The following TMEM272 variants were observed in gnomAD, a reference collection of about 807,000 sequenced individuals.
TMEM272 encodes the protein transmembrane protein 272.
In TMEM272, 8 loss-of-function variants were observed where a neutral mutation model predicts 3.7. The observed-to-expected ratio is 2.17, with a 90% CI of 1.27 to 3.91. The LOEUF is 3.91. TMEM272 is among the 30% of genes most tolerant of loss of function. The probability of loss-of-function intolerance (pLI) is 0.00; values close to 1 mark genes in which losing one functional copy is unlikely to be tolerated. For synonymous variants in TMEM272, 63 were observed against 39.8 expected, an observed-to-expected ratio of 1.58 and a Z score of -2.20; for missense variants, 166 against 91.5, an observed-to-expected ratio of 1.81 and a Z score of -3.32.
chr13:51,900,714 T>C, the TMEM272 span, among the ~76,000 whole-genome samples: 1 of 152,196 alleles, frequency 6.6e-6, no homozygotes, highest in Non-Finnish European at 1.5e-5. Context: ...ACAACCCAAG[T>C]ATCCATCAAC....
intron 1 of TMEM272, among the ~76,000 whole-genome samples, chr13:51,843,844 A>G (rs1432828885): frequency 6.6e-6 from 1 of 152,240 alleles, no homozygotes; most frequent in Non-Finnish European, 1.5e-5. Flanking sequence ...GATGGGAATT[A>G]ATCAATAATA....
the TMEM272 span, among the ~76,000 whole-genome samples, chr13:51,857,334 T>A: frequency 6.6e-6 from 1 of 150,826 alleles, no homozygotes; most frequent in African/African-American, 2.4e-5. Flanking sequence ...ATTTTTTGAG[T>A]ACCTGAAAAA....
At chr13:51,889,618 G>GT in the TMEM272 span, among the ~76,000 whole-genome samples, 5 of 150,888 alleles carry the variant, frequency 3.3e-5, no homozygotes, top group South Asian at 2.1e-4. Context: ...AATCCGATTT[G>GT]TTTTTTTGTG....
chr13:51,907,654 C>G, the TMEM272 span, among the ~76,000 whole-genome samples: 7 of 152,202 alleles, frequency 4.6e-5, no homozygotes, highest in African/African-American at 1.7e-4. Context: ...TTTTCCATCA[C>G]TCCTATCTTC....
chr13:51,888,450 G>A, the TMEM272 span, among the ~76,000 whole-genome samples: 1 of 151,864 alleles, frequency 6.6e-6, no homozygotes, highest in East Asian at 1.9e-4. Flanking sequence ...CAGGCTACCC[G>A]TGTTAACAAC....
chr13:51,908,112 G>T, the TMEM272 span: 2 of 474,172 alleles, frequency 4.2e-6, no homozygotes, highest in Non-Finnish European at 8.0e-6. Flanking sequence ...TAATTCTATT[G>T]TTTCAATTTG....
At chr13:51,916,979 T>G in the TMEM272 span, among the ~76,000 whole-genome samples, 1 of 152,160 alleles carries the variant, frequency 6.6e-6, no homozygotes, top group African/African-American at 2.4e-5. Context: ...CGCTCACCAG[T>G]GTTTTCTCCA....
At chr13:51,855,255 T>A in the TMEM272 span, among the ~76,000 whole-genome samples, 3 of 152,170 alleles carry the variant, frequency 2.0e-5, no homozygotes, top group Non-Finnish European at 4.4e-5. Flanking sequence ...AAGAAGCATA[T>A]CTCACAAGAA....
At chr13:51,827,059 C>T (rs1474992977) in intron 2 of TMEM272, among the ~76,000 whole-genome samples, 1 of 152,222 alleles carries the variant, frequency 6.6e-6, no homozygotes, top group South Asian at 2.1e-4. Flanking sequence ...TGACAACTCA[C>T]TTTATCACTG....
the TMEM272 span, among the ~76,000 whole-genome samples, chr13:51,857,913 G>C: frequency 2.5e-3 from 385 of 152,148 alleles, 1 homozygote; most frequent in Middle Eastern, 6.8e-3. Flanking sequence ...GAAATAAAAG[G>C]ATAGAAAAGA....
the TMEM272 span, among the ~76,000 whole-genome samples, chr13:51,884,140 C>T: frequency 3.3e-5 from 5 of 152,136 alleles, no homozygotes; most frequent in Non-Finnish European, 7.3e-5. Flanking sequence ...GAATGATGCA[C>T]CCTCAGGCCA....
the TMEM272 span, among the ~76,000 whole-genome samples, chr13:51,867,810 G>T: frequency 6.6e-6 from 1 of 152,270 alleles, no homozygotes; most frequent in South Asian, 2.1e-4. Flanking sequence ...AGGGTGGAGA[G>T]AATTCGATTT....
chr13:51,906,482 T>C, the TMEM272 span, among the ~76,000 whole-genome samples: 1 of 152,156 alleles, frequency 6.6e-6, no homozygotes, highest in Non-Finnish European at 1.5e-5. Context: ...GAAGAACATA[T>C]GAGAAAGTGC....
intron 1 of TMEM272, among the ~76,000 whole-genome samples, chr13:51,839,898 C>T (rs1956247194): frequency 6.6e-6 from 1 of 152,170 alleles, no homozygotes; most frequent in African/African-American, 2.4e-5. Flanking sequence ...CATCACTGTC[C>T]TTCTAGGACA....
chr13:51,872,078 C>G, the TMEM272 span, among the ~76,000 whole-genome samples: 1 of 152,112 alleles, frequency 6.6e-6, no homozygotes, highest in Non-Finnish European at 1.5e-5. Flanking sequence ...CCAAGGATCA[C>G]GGGGCACTTT....
In TMEM272 at chr13:51,818,895, A is replaced by G. The variant is rs540869663; in HGVS notation, c.202-1782T>C. Among the ~76,000 whole-genome samples, 22 of 152,344 alleles carry G rather than the reference A, an allele frequency of 1.4e-4. No individual in the cohort carries two copies. In the South Asian group the frequency reaches 4.6e-3, roughly 32 times the overall value. ...AGGAAACTAAGGCTCAGAGAAGTTA[A>G]GTCACTTCACTGAGATCCACAGTGA... On this transcript the variant is annotated intron_variant, in intron 4 of 4. Transcript: ENST00000629372.
the TMEM272 span, among the ~76,000 whole-genome samples, chr13:51,895,108 C>T: frequency 6.6e-6 from 1 of 152,128 alleles, no homozygotes; most frequent in East Asian, 1.9e-4. Context: ...ACAGATGAAG[C>T]TTCGCTTGCT....
chr13:51,848,798 T>A (rs1239271713), upstream of TMEM272, among the ~76,000 whole-genome samples: 1 of 152,182 alleles, frequency 6.6e-6, no homozygotes, highest in Non-Finnish European at 1.5e-5. Context: ...GAGTGTTCAC[T>A]CTCACTCTTC....
At chr13:51,856,344 C>A in the TMEM272 span, among the ~76,000 whole-genome samples, 1 of 152,190 alleles carries the variant, frequency 6.6e-6, no homozygotes, top group African/African-American at 2.4e-5. Context: ...GACTCCTGAG[C>A]ATTAAGGGAT....
Sources: gnomAD v4.1 joint callset for allele counts (sites outside exome capture counted in the v4.1 genomes callset) on GRCh38, gnomAD v4.1.1 for gene constraint, MANE v1.5 for transcripts, NCBI Gene and HGNC (gene_info 2026-07-23, HGNC 2026-07-21) for gene names.